The following ELL variants were observed in gnomAD, a reference collection of about 807,000 sequenced individuals.
ELL encodes the protein elongation factor for RNA polymerase II.
A neutral mutation model predicts 64.0 loss-of-function variants in ELL; 18 were observed. The observed-to-expected ratio is 0.28, with a 90% CI of 0.19 to 0.42. ELL has a LOEUF of 0.42. Among genes scored for constraint, ELL ranks in the 10% least tolerant of loss-of-function variants. ELL has a pLI of 1.00. For missense variants in ELL, 797 were observed against 870.4 expected (o/e 0.92, Z 1.06); for synonymous variants, 399 against 376.2 (o/e 1.06, Z -0.70).
At chr19:18,482,429 T>A (rs1975321556) in intron 1 of ELL, among the ~76,000 whole-genome samples, 1 of 147,318 alleles carries the variant, frequency 6.8e-6, no homozygotes. Flanking sequence ...GCAATTCTCC[T>A]GCCTCTGCCT....
In ELL at chr19:18,450,457, C is replaced by G; in HGVS notation, c.1465+20G>C. 1 of 1,608,490 alleles carries G rather than the reference C, an allele frequency of 6.2e-7. No homozygotes were observed. Among genetic ancestry groups the G allele is most frequent in the Non-Finnish European group, 8.5e-7 (1 of 1,177,170 alleles). On this transcript the variant is annotated intron_variant, in intron 8 of 11. Coordinates refer to ENST00000262809, the MANE Select transcript of ELL (RefSeq NM_006532.4). ...CCAGTACTTAGAGCCCCGGCAACGCCCTCCTGCCTGGGCACCTACCTGGGG... is the reference window on the plus strand; with the variant it reads ...CCAGTACTTAGAGCCCCGGCAACGCGCTCCTGCCTGGGCACCTACCTGGGG...
At chr19:18,490,615 T>C (rs1470980485) in intron 1 of ELL, among the ~76,000 whole-genome samples, 1 of 152,260 alleles carries the variant, frequency 6.6e-6, no homozygotes, top group Non-Finnish European at 1.5e-5. Flanking sequence ...ATTTTGGGTC[T>C]GCTTGGTGTC....
At chr19:18,469,306 T>C (rs993148264) in intron 2 of ELL, among the ~76,000 whole-genome samples, 4 of 152,188 alleles carry the variant, frequency 2.6e-5, no homozygotes, top group African/African-American at 9.7e-5. Flanking sequence ...CGAAGCGCTA[T>C]GGAGCCCTCT....
At chr19:18,446,210 A>G (rs1600417984) in intron 10 of ELL, 99 bp downstream of exon 10, 4 of 988,338 alleles carry the variant, frequency 4.0e-6, no homozygotes, top group Non-Finnish European at 5.6e-6. Context: ...GAAGGGCCAG[A>G]CTCTGGGGCC....
intron 1 of ELL, among the ~76,000 whole-genome samples, chr19:18,510,439 G>C (rs1975993892): frequency 6.6e-6 from 1 of 152,188 alleles, no homozygotes; most frequent in Admixed American, 6.5e-5. Flanking sequence ...TGCAGAAGCA[G>C]GGCACGTAGC....
At chr19:18,453,993 G>C (rs1248542726) in intron 6 of ELL, among the ~76,000 whole-genome samples, 1 of 152,188 alleles carries the variant, frequency 6.6e-6, no homozygotes, top group East Asian at 1.9e-4. Flanking sequence ...CAGATTAGTA[G>C]TTACCAGGGG....
rs141446968 is a variant in ELL, at chr19:18,519,892, A to T, written c.135+2029T>A. Among the ~76,000 whole-genome samples, 897 of 152,102 alleles carry T rather than the reference A, an allele frequency of 5.9e-3. 9 individuals carry two copies. Among genetic ancestry groups the T allele is most frequent in the African/African-American group, 0.021 (858 of 41,456 alleles). ...CAGACAGCTTTTTGAGAAAAATCCA[A>T]GTTTGAATCACCCCAAAATATAATC... On this transcript the variant is annotated intron_variant, in intron 1 of 11. Transcript: ENST00000262809.
At chr19:18,475,119 G>C (rs976738744) in intron 1 of ELL, among the ~76,000 whole-genome samples, 2 of 152,100 alleles carry the variant, frequency 1.3e-5, no homozygotes, top group Admixed American at 6.5e-5. Context: ...GTGAGATCCT[G>C]TCTCAACAAC....
chr19:18,487,624 C>T (rs1019592640), intron 1 of ELL, among the ~76,000 whole-genome samples: 1 of 152,202 alleles, frequency 6.6e-6, no homozygotes, highest in Admixed American at 6.5e-5. Context: ...CCTGCATCTT[C>T]CACTGAGGAA....
intron 1 of ELL, among the ~76,000 whole-genome samples, chr19:18,520,430 C>G (rs1289179263): frequency 6.6e-6 from 1 of 152,100 alleles, no homozygotes; most frequent in African/African-American, 2.4e-5. Flanking sequence ...TGCAGGGGCG[C>G]CTTAGCCTCA....
In ELL at chr19:18,445,292, G is replaced by A. The variant is rs376485213; in HGVS notation, c.1705-24C>T. On this transcript the variant is annotated intron_variant, in intron 10 of 11. Transcript: ENST00000262809. ...GTCTAGAAGAAAAACAAAATTTTGA[G>A]AAAACAGAATGTGTCCCCGCCTACA... 1.9e-5 allele frequency: 29 copies of A among 1,550,758 alleles called. No individual in the cohort carries two copies. In the African/African-American group the frequency reaches 3.6e-4, roughly 19 times the overall value.
At chr19:18,505,423 T>C (rs1975862054) in intron 1 of ELL, among the ~76,000 whole-genome samples, 1 of 152,206 alleles carries the variant, frequency 6.6e-6, no homozygotes, top group South Asian at 2.1e-4. Flanking sequence ...CTCATCCCAC[T>C]TCCCAGGCAG....
In ELL at chr19:18,465,555, T is replaced by C. The variant is rs1974915464; in HGVS notation, c.326A>G (p.Asp109Gly). The change falls in exon 4 of 12, where the codon GAC becomes GGC. Residue 109 changes from aspartate (D) to glycine (G), a missense_variant. Physicochemically the swap from Asp to Gly is moderately conservative, Grantham distance 94. Transcript: ENST00000262809. The part of the protein sequence containing the change: ...YVSSHGEVHL[D>G]CLGSIQDKIT... ...CTTGTCCTGTATGCTGCCCAGGCAG[T>C]CCAGGTGAACTTCCCCATGACTGCA... The C allele has an allele frequency of 1.3e-6, 2 of 1,599,112 alleles. No homozygotes were observed. The highest frequency in any genetic ancestry group is 2.2e-5 in the South Asian group (2 of 90,326).
chr19:18,485,748 G>A (rs530793724), intron 1 of ELL, among the ~76,000 whole-genome samples: 1 of 152,246 alleles, frequency 6.6e-6, no homozygotes, highest in East Asian at 1.9e-4. Flanking sequence ...AGCACTTTGA[G>A]AGCCAAGACG....
At chr19:18,456,936 T>C (rs1272067007) in intron 6 of ELL, among the ~76,000 whole-genome samples, 1 of 151,102 alleles carries the variant, frequency 6.6e-6, no homozygotes, top group African/African-American at 2.4e-5. Context: ...AAATGGGGCT[T>C]TCTTAGGGAT....
chr19:18,470,471 G>A (rs1263437471), intron 2 of ELL, among the ~76,000 whole-genome samples: 1 of 152,228 alleles, frequency 6.6e-6, no homozygotes, highest in Non-Finnish European at 1.5e-5. Flanking sequence ...AGGCCAGCCC[G>A]CCCCTGCCCC....
intron 1 of ELL, among the ~76,000 whole-genome samples, chr19:18,479,390 GAA>G (rs900806652): frequency 1.3e-5 from 2 of 152,158 alleles, no homozygotes; most frequent in Admixed American, 1.3e-4. Flanking sequence ...AATATAAATG[GAA>G]AAGTTACGGG....
At chr19:18,472,726 A>G (rs1373942943) in intron 2 of ELL, 109 bp downstream of exon 2, 3 of 1,047,950 alleles carry the variant, frequency 2.9e-6, no homozygotes, top group Non-Finnish European at 4.2e-6. Context: ...GGTGGCAGAC[A>G]GGGCCCAAAC....
intron 1 of ELL, among the ~76,000 whole-genome samples, chr19:18,483,588 TGAG>T (rs1975351221): frequency 6.6e-6 from 1 of 152,106 alleles, no homozygotes; most frequent in Admixed American, 6.5e-5. Context: ...CTGAGGAAAA[TGAG>T]GTACTGAGAG....
Sources: gnomAD v4.1 joint callset for allele counts (sites outside exome capture counted in the v4.1 genomes callset) on GRCh38, gnomAD v4.1.1 for gene constraint, MANE v1.5 for transcripts, NCBI Gene and HGNC (gene_info 2026-07-23, HGNC 2026-07-21) for gene names.